The following NLRP14 variants were observed in gnomAD, a reference collection of about 807,000 sequenced individuals.
NLRP14 encodes NLR family pyrin domain containing 14, also known as NACHT, LRR and PYD domains-containing protein 14.
NLRP14 carries 105 observed loss-of-function variants against 94.7 expected under a neutral mutation model. That is an observed-to-expected ratio of 1.11 (90% CI 0.95 to 1.30). NLRP14 has a LOEUF of 1.30. Ranked by LOEUF, NLRP14 falls within the 50% of genes most tolerant of loss-of-function variation. NLRP14 has a pLI of 0.00. For missense variants in NLRP14, 1,362 were observed against 1,254.1 expected (o/e 1.09, Z -1.30); for synonymous variants, 508 against 459.9 (o/e 1.10, Z -1.34).
At chr11:7,089,071 G>T in the NLRP14 span, 45 of 1,583,694 alleles carry the variant, frequency 2.8e-5, no homozygotes, top group Non-Finnish European at 3.8e-5. Context: ...TGCGACTGGC[G>T]CCGCCTCACC....
At chr11:7,032,374 T>G (rs187790144) in intron 1 of NLRP14, among the ~76,000 whole-genome samples, 1 of 152,218 alleles carries the variant, frequency 6.6e-6, no homozygotes, top group Admixed American at 6.5e-5. Flanking sequence ...AATTGAATCC[T>G]TATTGACAAT....
At chr11:7,047,310 C>A (rs890871807) in intron 5 of NLRP14, among the ~76,000 whole-genome samples, 3 of 40,822 alleles carry the variant, frequency 7.3e-5, no homozygotes, top group Admixed American at 4.3e-4. Flanking sequence ...GTCCCTTGTA[C>A]CCCTTTCGTT....
At chr11:7,042,325 A>G (rs1471554029) in intron 3 of NLRP14, 63 bp from the exon 4 acceptor site, 3 of 1,349,128 alleles carry the variant, frequency 2.2e-6, no homozygotes, top group Middle Eastern at 2.3e-4. Context: ...ATTACATTTC[A>G]TAGAATTTGT....
At position 7,059,951 on chromosome 11, in the gene NLRP14, A is replaced by G. The variant is rs201919128; in HGVS notation, c.2691A>G (p.Leu897=). 6.6e-5 allele frequency: 106 copies of G among 1,612,436 alleles called. No homozygotes were observed. Among genetic ancestry groups the G allele is most frequent in the Middle Eastern group, 1.6e-4 (1 of 6,078 alleles). The part of the protein sequence containing the change: ...LSSEYLSTSL[L]HNKSLTHLDL... The stretch of plus-strand genomic sequence containing the variant: ...GTGAATATCTGTCAACTTCTCTTCT[A>G]CACAACAAGAGCCTGACGCATCTGG... Residue 897 remains leucine, a synonymous_variant, in exon 9 of 12, where the codon CTA becomes CTG. Transcript: ENST00000299481.
intron 1 of NLRP14, among the ~76,000 whole-genome samples, chr11:7,030,465 AT>A (rs1455345537): frequency 3.3e-5 from 5 of 152,184 alleles, no homozygotes; most frequent in African/African-American, 1.2e-4. Flanking sequence ...TTCTGCAAAT[AT>A]CGCCTTAGCA....
At chr11:7,028,245 A>G (rs1317562640) in intron 1 of NLRP14, among the ~76,000 whole-genome samples, 1 of 152,158 alleles carries the variant, frequency 6.6e-6, no homozygotes, top group East Asian at 1.9e-4. Context: ...GGTTTTTTAA[A>G]CAATCTTCTC....
In NLRP14 at chr11:7,042,565, T is replaced by C; in HGVS notation, c.539T>C (p.Val180Ala). ...VKTGAQPQIV[V>A]LQGAAGVGKT... is the part of the protein sequence containing the mutation. ...ACCGGTGCACAGCCACAGATCGTGG[T>C]GCTTCAGGGAGCTGCTGGAGTTGGG... Residue 180 changes from valine to alanine, a missense_variant, in exon 4 of 12, where the codon GTG becomes GCG. Physicochemically the swap from Val to Ala is moderately conservative, Grantham distance 64 (BLOSUM62 0). Coordinates refer to ENST00000299481, the MANE Select transcript of NLRP14 (RefSeq NM_176822.4). The C allele has an allele frequency of 6.2e-7, 1 of 1,614,242 alleles. No individual in the cohort carries two copies. Among genetic ancestry groups the C allele is most frequent in the Non-Finnish European group, 8.5e-7 (1 of 1,180,034 alleles).
At chr11:7,031,195 C>G (rs1394326833) in intron 1 of NLRP14, among the ~76,000 whole-genome samples, 1 of 152,186 alleles carries the variant, frequency 6.6e-6, no homozygotes, top group African/African-American at 2.4e-5. Flanking sequence ...GGCGCTTATA[C>G]CCTTTGCCAC....
intron 6 of NLRP14, among the ~76,000 whole-genome samples, chr11:7,051,312 C>T (rs1385897873): frequency 6.6e-6 from 1 of 152,174 alleles, no homozygotes; most frequent in East Asian, 1.9e-4. Flanking sequence ...GGGAGAAGGT[C>T]CAGTTTTCTG....
At chr11:7,078,462 A>AAAAAGAAAAAAAAAAT in the NLRP14 span, among the ~76,000 whole-genome samples, 1 of 88,486 alleles carries the variant, frequency 1.1e-5, no homozygotes, top group African/African-American at 4.3e-5. Flanking sequence ...AAAAAAAAAA[A>AAAAAGAAAAAAAAAAT]CAAAAAAATT....
downstream of NLRP14, among the ~76,000 whole-genome samples, chr11:7,074,390 T>C (rs1220149223): frequency 6.6e-6 from 1 of 152,204 alleles, no homozygotes; most frequent in East Asian, 1.9e-4. Context: ...GGGGCTATTA[T>C]AACAAACACA....
chr11:7,067,559 A>T (rs1589874754), intron 10 of NLRP14, among the ~76,000 whole-genome samples: 3 of 152,208 alleles, frequency 2.0e-5, no homozygotes, highest in South Asian at 4.2e-4. Context: ...GTATCCTGAG[A>T]CTTTGCTGAA....
the NLRP14 span, among the ~76,000 whole-genome samples, chr11:7,087,108 A>C: frequency 6.6e-6 from 1 of 152,194 alleles, no homozygotes; most frequent in East Asian, 1.9e-4. Context: ...AGGGGCCTGG[A>C]TGGAGTCACA....
chr11:7,076,233 C>G (rs1176228917), downstream of NLRP14, among the ~76,000 whole-genome samples: 1 of 152,198 alleles, frequency 6.6e-6, no homozygotes, highest in Non-Finnish European at 1.5e-5. Flanking sequence ...AGGCAAGTCA[C>G]TCCCCTCATG....
chr11:7,062,798 G>C (rs1852645550), intron 10 of NLRP14, among the ~76,000 whole-genome samples: 1 of 151,980 alleles, frequency 6.6e-6, no homozygotes, highest in South Asian at 2.1e-4. Context: ...TAGTCTACTT[G>C]TCTTTGAATT....
intron 6 of NLRP14, among the ~76,000 whole-genome samples, chr11:7,056,222 A>G (rs1589868288): frequency 1.3e-5 from 2 of 151,976 alleles, no homozygotes; most frequent in Admixed American, 6.6e-5. Flanking sequence ...AGAAATATCA[A>G]TGTGAATATT....
chr11:7,039,893 A>G, intron 3 of NLRP14, 108 bp downstream of exon 3: 2 of 876,440 alleles, frequency 2.3e-6, no homozygotes, highest in Non-Finnish European at 3.9e-6. Context: ...ACTTCTTCTA[A>G]TACCCCACCT....
Position 7,070,387 on chromosome 11 carries a change from T to G in NLRP14, c.3077T>G (p.Leu1026Ter), listed in dbSNP as rs1852774700. Residue 1026 changes from leucine to a stop codon, truncating the protein, a stop_gained, in exon 11 of 12, where the codon TTA (leucine) becomes TGA (stop). Transcript: ENST00000299481. LOFTEE classifies it high-confidence loss of function. ...AAAATGAATCTGACACAGAATACCT[T>G]AGGATATGAAGGAATTGTGAAGTTA... ...LIKMNLTQNT[L>*]GYEGIVKLYK... The G allele has an allele frequency of 3.7e-6, 6 of 1,608,490 alleles. No homozygotes were observed. Among genetic ancestry groups the G allele is most frequent in the African/African-American group, 1.3e-5 (1 of 74,810 alleles).
chr11:7,059,396 T>G (rs1393921921), intron 8 of NLRP14, among the ~76,000 whole-genome samples: 1 of 151,938 alleles, frequency 6.6e-6, no homozygotes, highest in Non-Finnish European at 1.5e-5. Flanking sequence ...CTTCATGGTT[T>G]AATTTTAACG....
Sources: gnomAD v4.1 joint callset for allele counts (sites outside exome capture counted in the v4.1 genomes callset) on GRCh38, gnomAD v4.1.1 for gene constraint, MANE v1.5 for transcripts, NCBI Gene and HGNC (gene_info 2026-07-23, HGNC 2026-07-21) for gene names.